ANKH: variants seen among roughly 807,000 people sequenced by gnomAD.
ANKH encodes the protein mineralization regulator ANKH.
A neutral mutation model predicts 49.0 loss-of-function variants in ANKH; 15 were observed. The observed-to-expected ratio is 0.31, with a 90% CI of 0.20 to 0.47. The LOEUF (loss-of-function observed/expected upper bound fraction) is 0.47, where lower values mean the gene tolerates loss of function less well. Among genes scored for constraint, ANKH ranks in the 20% least tolerant of loss-of-function variants. The pLI, the probability that ANKH is intolerant of heterozygous loss-of-function variation, is 1.00. For synonymous variants in ANKH, 273 were observed against 260.0 expected, an observed-to-expected ratio of 1.05 and a Z score of -0.48; for missense variants, 429 against 652.0, an observed-to-expected ratio of 0.66 and a Z score of 3.72.
intron 1 of ANKH, among the ~76,000 whole-genome samples, chr5:14,850,435 C>T (rs1742091130): frequency 6.6e-6 from 1 of 152,274 alleles, no homozygotes; most frequent in Admixed American, 6.5e-5. Context: ...CTTAAGCAAA[C>T]TGCATTTGAA....
intron 1 of ANKH, among the ~76,000 whole-genome samples, chr5:14,792,343 C>CA (rs1410271547): frequency 6.6e-6 from 1 of 152,166 alleles, no homozygotes; most frequent in East Asian, 1.9e-4. Context: ...TGGCAAAAAA[C>CA]AGAGTCAGGA....
At chr5:14,797,788 A>C (rs1740435900) in intron 1 of ANKH, 2 of 1,611,338 alleles carry the variant, frequency 1.2e-6, no homozygotes, top group Non-Finnish European at 1.7e-6. Flanking sequence ...CTGATGTCCC[A>C]CAGGCAGATG....
chr5:14,809,189 G>A (rs1275430257), intron 1 of ANKH, among the ~76,000 whole-genome samples: 1 of 85,900 alleles, frequency 1.2e-5, no homozygotes. Flanking sequence ...CTGTGGTGGG[G>A]TCGGGGGAGG....
At chr5:14,861,782 T>A (rs1422845214) in intron 1 of ANKH, among the ~76,000 whole-genome samples, 1 of 151,922 alleles carries the variant, frequency 6.6e-6, no homozygotes, top group African/African-American at 2.4e-5. Context: ...CAAAACATCC[T>A]CCCCCGAACT....
intron 2 of ANKH, among the ~76,000 whole-genome samples, chr5:14,765,275 G>C (rs1739223269): frequency 6.6e-6 from 1 of 152,216 alleles, no homozygotes; most frequent in African/African-American, 2.4e-5. Context: ...TACTCCCAAG[G>C]CTTGTGCAAT....
intron 2 of ANKH, among the ~76,000 whole-genome samples, chr5:14,767,353 A>G (rs1739287977): frequency 6.6e-6 from 1 of 152,230 alleles, no homozygotes; most frequent in African/African-American, 2.4e-5. Context: ...CAGATGTTCA[A>G]AAGAAATTCA....
rs1362104627 is a variant in ANKH at position 14,725,098 on chromosome 5, G to C, written c.1012-8263C>G. On this transcript the variant is annotated intron_variant, in intron 8 of 11. Coordinates refer to ENST00000284268, the MANE Select transcript of ANKH (RefSeq NM_054027.6). The surrounding 1 kb of genome is among the most constrained non-coding windows in gnomAD (Gnocchi z 4.0). ...GTTGAAGTCCCCACCGGGCAAGCCA[G>C]TGGTTAGCCCTCGGCAACACAAAGT... is the stretch of plus-strand genomic sequence containing the variant. Among the ~76,000 whole-genome samples the C allele has an allele frequency of 6.6e-6, 1 of 152,216 alleles. No homozygotes were observed. Among genetic ancestry groups the C allele is most frequent in the Non-Finnish European group, 1.5e-5 (1 of 68,042 alleles).
intron 8 of ANKH, among the ~76,000 whole-genome samples, chr5:14,738,488 T>C (rs1372118046): frequency 6.6e-6 from 1 of 152,132 alleles, no homozygotes; most frequent in African/African-American, 2.4e-5. Flanking sequence ...CGTTGGCCAA[T>C]GCGTGGAGGG....
Position 14,737,752 on chromosome 5 carries a change from A to G in ANKH, c.1011+4075T>C, listed in dbSNP as rs1456397019. ...AAATGTGCTTCCCTTCACCCCAAACAGCTGCTTGTCAGTCAGCAGGCGCCT... is the reference window on the plus strand; with the variant it reads ...AAATGTGCTTCCCTTCACCCCAAACGGCTGCTTGTCAGTCAGCAGGCGCCT... On this transcript the variant is annotated intron_variant, in intron 8 of 11. Transcript: ENST00000284268. The surrounding 1 kb of genome is among the most constrained non-coding windows in gnomAD (Gnocchi z 5.0). Among the ~76,000 whole-genome samples the G allele has an allele frequency of 1.3e-5, 2 of 152,202 alleles. No individual in the cohort carries two copies. Among genetic ancestry groups the G allele is most frequent in the African/African-American group, 4.8e-5 (2 of 41,458 alleles).
At chr5:14,755,736 G>A (rs1457470442) in intron 4 of ANKH, 125 bp downstream of exon 4, 9 of 829,770 alleles carry the variant, frequency 1.1e-5, no homozygotes, top group African/African-American at 3.4e-5. Context: ...GTGATGTAAC[G>A]GTGCTGGCAA....
chr5:14,734,301 G>A (rs1357275587), intron 8 of ANKH, among the ~76,000 whole-genome samples: 2 of 151,028 alleles, frequency 1.3e-5, no homozygotes, highest in East Asian at 2.0e-4. Flanking sequence ...AGTTTAGCCC[G>A]TGCAGTCTAA....
rs147231935 is a variant in ANKH, at chr5:14,745,903, C to T, written c.882G>A (p.Thr294=). 4.8e-5 allele frequency: 77 copies of T among 1,614,178 alleles called. 1 individual carries two copies. In the African/African-American group the frequency reaches 8.3e-4, roughly 17 times the overall value. The change falls in exon 7 of 12, where the codon ACG becomes ACA. Residue 294 remains threonine (T), a synonymous_variant. Transcript: ENST00000284268. This position sits in a 1 kb window ranked among gnomAD's most constrained non-coding sequence, Gnocchi z 4.7. The stretch of plus-strand genomic sequence containing the variant: ...AAGCAGGATACACAGCACGGATTTC[C>T]GTCAACCAGCCGTATGGCATGTGAC... ...PVGHMPYGWL[T]EIRAVYPAFD...
intron 1 of ANKH, chr5:14,798,486 T>C (rs31991): frequency 0.59 from 577,476 of 985,014 alleles, 176,539 homozygotes; most frequent in East Asian, 0.88. Flanking sequence ...GCGCACGCGG[T>C]CTCTATTTTT....
chr5:14,798,604 T>C (rs1291628736), intron 1 of ANKH, among the ~76,000 whole-genome samples: 1 of 152,282 alleles, frequency 6.6e-6, no homozygotes, highest in Non-Finnish European at 1.5e-5. Context: ...TTGTGTCACA[T>C]TTTGGTAACT....
At chr5:14,841,019 A>G (rs887232716) in intron 1 of ANKH, among the ~76,000 whole-genome samples, 24 of 152,148 alleles carry the variant, frequency 1.6e-4, no homozygotes, top group Admixed American at 5.2e-4. Context: ...CCTACAACAC[A>G]TGTCTGAAAG....
At chr5:14,738,718 A>G (rs1279555478) in intron 8 of ANKH, among the ~76,000 whole-genome samples, 2 of 151,944 alleles carry the variant, frequency 1.3e-5, no homozygotes, top group Non-Finnish European at 2.9e-5. Context: ...CAGCCTGAGC[A>G]ACATAGTGAG....
chr5:14,843,803 C>T (rs527695574), intron 1 of ANKH, among the ~76,000 whole-genome samples: 3 of 152,220 alleles, frequency 2.0e-5, no homozygotes, highest in Non-Finnish European at 4.4e-5. Context: ...GTAAGGATAA[C>T]TTAAGGGTTA....
chr5:14,834,828 A>G (rs927969635), intron 1 of ANKH, among the ~76,000 whole-genome samples: 14 of 152,178 alleles, frequency 9.2e-5, no homozygotes, highest in African/African-American at 3.4e-4. Flanking sequence ...CATGTGCCTT[A>G]GTTTCCTCAT....
intron 8 of ANKH, among the ~76,000 whole-genome samples, chr5:14,722,830 AC>A (rs1737710240): frequency 6.6e-6 from 1 of 151,790 alleles, no homozygotes; most frequent in Non-Finnish European, 1.5e-5. Flanking sequence ...GAGAAAGGAA[AC>A]CCGTCCTGAC....
Sources: allele counts gnomAD v4.1 joint callset (sites outside exome capture counted in the v4.1 genomes callset), GRCh38; gene constraint gnomAD v4.1.1; non-coding constraint Gnocchi (gnomAD v3.1); transcripts MANE v1.5; gene names NCBI Gene and HGNC (gene_info 2026-07-23, HGNC 2026-07-21).